Variants in PRKAA2 observed in about 807,000 individuals in gnomAD.
PRKAA2 encodes the protein protein kinase AMP-activated catalytic subunit alpha 2.
A neutral mutation model predicts 56.3 loss-of-function variants in PRKAA2; 40 were observed. The observed-to-expected ratio is 0.71, with a 90% confidence interval of 0.55 to 0.92. PRKAA2 has a LOEUF of 0.92. PRKAA2 is among the 40% of genes least tolerant of loss of function. The pLI, the probability that PRKAA2 is intolerant of heterozygous loss-of-function variation, is 0.00. For missense variants in PRKAA2, 542 were observed against 686.9 expected (o/e 0.79, Z 2.36); for synonymous variants, 214 against 234.2 (o/e 0.91, Z 0.79).
rs912206391 is a variant in PRKAA2, at chr1:56,711,877, A to G, written c.*4164A>G. 1 of 152,050 alleles carries G rather than the reference A, an allele frequency of 6.6e-6. No individual in the cohort carries two copies. Among genetic ancestry groups the G allele is most frequent in the Non-Finnish European group, 1.5e-5 (1 of 68,000 alleles). 9.4% of individuals were successfully genotyped at this position (152,050 alleles called of 1,614,324 possible). ...ATTTAGAGTTTTTATATGAGTGTGAATGTTTCTGTTTTGATTTGGTGAGGC... is the reference window on the plus strand; with the variant it reads ...ATTTAGAGTTTTTATATGAGTGTGAGTGTTTCTGTTTTGATTTGGTGAGGC... On this transcript the variant is annotated 3_prime_UTR_variant, in exon 9 of 9. Transcript: ENST00000371244.
intron 6 of PRKAA2, among the ~76,000 whole-genome samples, chr1:56,701,617 C>T (rs1644293866): frequency 6.6e-6 from 1 of 152,136 alleles, no homozygotes; most frequent in Non-Finnish European, 1.5e-5. Context: ...GAAGTTGTCG[C>T]CGGGCGCGGT....
At chr1:56,682,853 T>C (rs1000066868) in intron 2 of PRKAA2, among the ~76,000 whole-genome samples, 1 of 152,146 alleles carries the variant, frequency 6.6e-6, no homozygotes, top group Non-Finnish European at 1.5e-5. Context: ...AAAAATTTGG[T>C]TGTCTGGTCA....
At chr1:56,647,778 C>G (rs763941749) in intron 1 of PRKAA2, among the ~76,000 whole-genome samples, 12 of 151,518 alleles carry the variant, frequency 7.9e-5, no homozygotes, top group Non-Finnish European at 1.6e-4. Context: ...ACCTGTAATC[C>G]CAGCACTTTG....
At chr1:56,698,079 CTTT>C (rs530647275) in intron 6 of PRKAA2, among the ~76,000 whole-genome samples, 3 of 121,084 alleles carry the variant, frequency 2.5e-5, no homozygotes, top group Non-Finnish European at 5.1e-5. Flanking sequence ...TTTTTTAATT[CTTT>C]TTTTTTTTTT....
At chr1:56,681,961 A>C (rs1644158320) in intron 2 of PRKAA2, among the ~76,000 whole-genome samples, 1 of 152,038 alleles carries the variant, frequency 6.6e-6, no homozygotes, top group African/African-American at 2.4e-5. Context: ...GGCCATTTTC[A>C]CGATATTGAT....
At position 56,708,277 on chromosome 1, in the gene PRKAA2, A is replaced by T. The variant is rs1456443877; in HGVS notation, c.*564A>T. On this transcript the variant is annotated 3_prime_UTR_variant, in exon 9 of 9. Coordinates refer to ENST00000371244, the MANE Select transcript of PRKAA2 (RefSeq NM_006252.4). ...TATTTGTACAAATACTGCCTAGTGT[A>T]TTCAACAGAAGGACTGTGGTCATGT... The T allele has an allele frequency of 6.5e-6, 1 of 153,434 alleles. No individual in the cohort carries two copies. The highest frequency in any genetic ancestry group is 1.5e-5 in the Non-Finnish European group (1 of 68,912). 9.5% of individuals were successfully genotyped at this position (153,434 alleles called of 1,614,324 possible).
intron 6 of PRKAA2, among the ~76,000 whole-genome samples, chr1:56,702,446 C>T (rs1484292981): frequency 2.0e-5 from 3 of 152,204 alleles, no homozygotes; most frequent in Non-Finnish European, 4.4e-5. Flanking sequence ...AGAATGATAA[C>T]TAGGTTATGC....
At chr1:56,700,666 G>A (rs1644288003) in intron 6 of PRKAA2, among the ~76,000 whole-genome samples, 1 of 152,146 alleles carries the variant, frequency 6.6e-6, no homozygotes, top group Non-Finnish European at 1.5e-5. Flanking sequence ...GCCCTGGGGA[G>A]AAGGCTGTTT....
At chr1:56,650,318 C>A (rs11808933) in intron 1 of PRKAA2, among the ~76,000 whole-genome samples, 4,866 of 152,110 alleles carry the variant, frequency 0.032, 218 homozygotes, top group African/African-American at 0.1. Context: ...TATCAGGTTG[C>A]TGAGGGACTG....
chr1:56,646,127 C>A (rs1646640183), intron 1 of PRKAA2, among the ~76,000 whole-genome samples: 1 of 152,102 alleles, frequency 6.6e-6, no homozygotes, highest in Non-Finnish European at 1.5e-5. Context: ...CCCCAGATTC[C>A]TTCACGTTCC....
At chr1:56,677,742 C>G (rs994677026) in intron 2 of PRKAA2, among the ~76,000 whole-genome samples, 1 of 151,264 alleles carries the variant, frequency 6.6e-6, no homozygotes, top group African/African-American at 2.4e-5. Flanking sequence ...CTGCAACCTT[C>G]GCTTCCCAGA....
At chr1:56,684,913 G>A (rs1381759768) in intron 2 of PRKAA2, among the ~76,000 whole-genome samples, 1 of 152,132 alleles carries the variant, frequency 6.6e-6, no homozygotes, top group South Asian at 2.1e-4. Flanking sequence ...TATGCCAAAA[G>A]GAGTGATTCA....
intron 1 of PRKAA2, among the ~76,000 whole-genome samples, chr1:56,653,439 A>G (rs1048639149): frequency 2.0e-5 from 3 of 152,132 alleles, no homozygotes; most frequent in African/African-American, 7.2e-5. Flanking sequence ...AGCCTGATGT[A>G]GTATAAATAC....
intron 7 of PRKAA2, 50 bp downstream of exon 7, chr1:56,704,525 A>G (rs1372622290): frequency 6.6e-7 from 1 of 1,524,784 alleles, no homozygotes; most frequent in Non-Finnish European, 8.7e-7. Context: ...ATTTTTCTAT[A>G]TTATAAGCTG....
chr1:56,691,882 A>T (rs1644230647), intron 3 of PRKAA2, among the ~76,000 whole-genome samples: 1 of 152,052 alleles, frequency 6.6e-6, no homozygotes, highest in South Asian at 2.1e-4. Flanking sequence ...ACAAAGACAA[A>T]CTTGTCTTTT....
At chr1:56,704,606 CAAAT>C (rs936717700) in intron 7 of PRKAA2, 131 bp downstream of exon 7, 3 of 1,035,634 alleles carry the variant, frequency 2.9e-6, no homozygotes, top group African/African-American at 1.6e-5. Context: ...AAAAACAAAA[CAAAT>C]AACCTCTATA....
intron 1 of PRKAA2, among the ~76,000 whole-genome samples, chr1:56,659,201 A>G (rs1207924096): frequency 6.6e-6 from 1 of 151,912 alleles, no homozygotes; most frequent in African/African-American, 2.4e-5. Context: ...AATTTTAAAG[A>G]AGTATTTTAT....
At chr1:56,661,537 G>T (rs550479160) in intron 1 of PRKAA2, among the ~76,000 whole-genome samples, 1 of 152,140 alleles carries the variant, frequency 6.6e-6, no homozygotes, top group Non-Finnish European at 1.5e-5. Context: ...ATATAGTATT[G>T]CATTAAGACT....
chr1:56,645,628 G>T, intron 1 of PRKAA2, 147 bp downstream of exon 1: 1 of 571,098 alleles, frequency 1.8e-6, no homozygotes, highest in Non-Finnish European at 2.4e-6. Flanking sequence ...GGCCCCGGGA[G>T]GGTGGCGCGC....
Sources: allele counts gnomAD v4.1 joint callset (sites outside exome capture counted in the v4.1 genomes callset), GRCh38; gene constraint gnomAD v4.1.1; transcripts MANE v1.5; gene names NCBI Gene and HGNC (gene_info 2026-07-23, HGNC 2026-07-21).